Variants in CDH13 observed in about 807,000 individuals in gnomAD.
CDH13 encodes cadherin-13.
A neutral mutation model predicts 63.8 loss-of-function variants in CDH13; 24 were observed. The observed-to-expected ratio is 0.38, with a 90% CI of 0.27 to 0.53. The LOEUF is 0.53. Among genes scored for constraint, CDH13 ranks in the 20% least tolerant of loss-of-function variants. The pLI is 0.85. For synonymous variants in CDH13, 503 were observed against 355.3 expected (o/e 1.42, Z -4.67); for missense variants, 1,049 against 903.1 (o/e 1.16, Z -2.07).
intron 10 of CDH13, among the ~76,000 whole-genome samples, chr16:83,696,810 C>A (rs941243146): frequency 6.6e-6 from 1 of 152,178 alleles, no homozygotes; most frequent in Non-Finnish European, 1.5e-5. Flanking sequence ...CCCATTCTTA[C>A]AAGGCACCAT....
chr16:83,061,433 C>A (rs1048009362), intron 3 of CDH13, among the ~76,000 whole-genome samples: 3 of 152,152 alleles, frequency 2.0e-5, no homozygotes, highest in Non-Finnish European at 1.5e-5. Context: ...TGACCTTCTC[C>A]CTGTGCCAAC....
rs989428696 is a variant in CDH13, at chr16:82,982,663, C to T, written c.158-49347C>T. Among the ~76,000 whole-genome samples the T allele has an allele frequency of 2.6e-5, 4 of 152,156 alleles. No individual in the cohort carries two copies. In the East Asian group the frequency reaches 7.7e-4, roughly 29 times the overall value. Reference sequence around the variant, plus strand: ...TTGCCATTGAAAGTAATGGCAAAAACCACCATTAGTTTTGCACCAACCTAG... The same window carrying T: ...TTGCCATTGAAAGTAATGGCAAAAATCACCATTAGTTTTGCACCAACCTAG... On this transcript the variant is annotated intron_variant, in intron 2 of 13. Transcript: ENST00000567109.
At chr16:82,728,838 T>C (rs2033242743) in intron 1 of CDH13, among the ~76,000 whole-genome samples, 1 of 152,226 alleles carries the variant, frequency 6.6e-6, no homozygotes, top group Non-Finnish European at 1.5e-5. Context: ...TCTTTCAAAA[T>C]TGGAGTCTAC....
At chr16:83,407,479 T>C (rs2092065031) in intron 6 of CDH13, among the ~76,000 whole-genome samples, 1 of 152,228 alleles carries the variant, frequency 6.6e-6, no homozygotes, top group Non-Finnish European at 1.5e-5. Context: ...AGCCTGCTTT[T>C]TTTCAGCTAG....
intron 2 of CDH13, among the ~76,000 whole-genome samples, chr16:82,929,085 T>G (rs984177897): frequency 1.3e-5 from 2 of 152,236 alleles, no homozygotes; most frequent in African/African-American, 2.4e-5. Context: ...TTTAAATGAT[T>G]AGATCACCTT....
At chr16:83,085,593 G>A (rs938905285) in intron 3 of CDH13, among the ~76,000 whole-genome samples, 1 of 152,204 alleles carries the variant, frequency 6.6e-6, no homozygotes, top group Non-Finnish European at 1.5e-5. Flanking sequence ...ACTGTGTTAT[G>A]ACACAGCTAT....
At chr16:83,683,962 G>C (rs555676957) in intron 10 of CDH13, among the ~76,000 whole-genome samples, 1 of 152,336 alleles carries the variant, frequency 6.6e-6, no homozygotes, top group South Asian at 2.1e-4. Context: ...GATAAGACTT[G>C]CTTCCACTTT....
chr16:83,440,831 C>T (rs937587762), intron 6 of CDH13, among the ~76,000 whole-genome samples: 6 of 151,074 alleles, frequency 4.0e-5, no homozygotes, highest in Non-Finnish European at 8.8e-5. Flanking sequence ...TCCTGGTGCC[C>T]TTCTAGAACT....
intron 8 of CDH13, among the ~76,000 whole-genome samples, chr16:83,619,646 G>T (rs1909625193): frequency 7.0e-6 from 1 of 142,774 alleles, no homozygotes. Flanking sequence ...CCCAGTTCCT[G>T]CCTCCATCTA....
intron 1 of CDH13, among the ~76,000 whole-genome samples, chr16:82,777,269 G>T (rs1233393891): frequency 6.6e-6 from 1 of 152,188 alleles, no homozygotes; most frequent in Non-Finnish European, 1.5e-5. Context: ...GTGCCCAAAA[G>T]TTAAGATTCT....
At chr16:82,641,288 G>A (rs903572513) in intron 1 of CDH13, among the ~76,000 whole-genome samples, 4 of 152,196 alleles carry the variant, frequency 2.6e-5, no homozygotes, top group Admixed American at 2.0e-4. Flanking sequence ...GAGCAGTCAT[G>A]ACTTTGGAAG....
At chr16:82,910,854 C>T (rs2041808035) in intron 2 of CDH13, among the ~76,000 whole-genome samples, 1 of 152,026 alleles carries the variant, frequency 6.6e-6, no homozygotes, top group Admixed American at 6.6e-5. Flanking sequence ...TCTTTCTTAC[C>T]CAGAGGGTCA....
intron 1 of CDH13, among the ~76,000 whole-genome samples, chr16:82,721,981 C>T (rs1414041946): frequency 6.6e-6 from 1 of 152,182 alleles, no homozygotes; most frequent in Non-Finnish European, 1.5e-5. Flanking sequence ...TGTGTCCCTA[C>T]CCTCTCTCAC....
At chr16:83,714,750 G>C (rs1174899385) in intron 10 of CDH13, among the ~76,000 whole-genome samples, 1 of 152,138 alleles carries the variant, frequency 6.6e-6, no homozygotes, top group Non-Finnish European at 1.5e-5. Flanking sequence ...TTTACATTTA[G>C]TAGCTTTTCT....
intron 1 of CDH13, among the ~76,000 whole-genome samples, chr16:82,689,537 A>G (rs189254241): frequency 6.6e-6 from 1 of 152,282 alleles, no homozygotes; most frequent in African/African-American, 2.4e-5. Context: ...AGGCTCGAGG[A>G]TGACAGGAGT....
chr16:83,086,856 C>G (rs1055096032), intron 3 of CDH13, among the ~76,000 whole-genome samples: 3 of 151,914 alleles, frequency 2.0e-5, no homozygotes, highest in Non-Finnish European at 4.4e-5. Flanking sequence ...CATGAAAAAC[C>G]ACAAAAAAAT....
intron 4 of CDH13, among the ~76,000 whole-genome samples, chr16:83,146,185 C>T (rs1432081357): frequency 1.6e-5 from 2 of 123,966 alleles, no homozygotes; most frequent in Admixed American, 1.6e-4. Context: ...CAGAGCAAGA[C>T]TCTGTCTCAA....
rs140256316 is a variant in CDH13 at position 83,164,829 on chromosome 16, G to GTA, written c.483+39329_483+39330insAT. On this transcript the variant is annotated intron_variant, in intron 4 of 13. Coordinates refer to ENST00000567109, the MANE Select transcript of CDH13 (RefSeq NM_001257.5). ...ATGCTATTTATTAAATACTAACAGT[G>GTA]TGTATATATATATATGCATGCTGGC... 9.2e-3 allele frequency among the ~76,000 whole-genome samples: 1,390 copies of GTA among 151,648 alleles called. 23 individuals carry two copies. The highest frequency in any genetic ancestry group is 0.032 in the African/African-American group (1,325 of 41,232).
At chr16:83,040,631 C>G (rs139931242) in intron 3 of CDH13, among the ~76,000 whole-genome samples, 313 of 152,278 alleles carry the variant, frequency 2.1e-3, no homozygotes, top group African/African-American at 7.3e-3. Context: ...GATGCCCACC[C>G]AGACTGAGGG....
Sources: allele counts gnomAD v4.1 joint callset (sites outside exome capture counted in the v4.1 genomes callset), GRCh38; gene constraint gnomAD v4.1.1; transcripts MANE v1.5; gene names NCBI Gene and HGNC (gene_info 2026-07-23, HGNC 2026-07-21).